The following RAD51B variants were observed in gnomAD, a reference collection of about 807,000 sequenced individuals.
RAD51B encodes the protein DNA repair protein RAD51 homolog 2.
In RAD51B, 38 loss-of-function variants were observed where a neutral mutation model predicts 42.2. That is an observed-to-expected ratio of 0.90 (90% CI 0.70 to 1.18). RAD51B has a LOEUF of 1.18. Among genes scored for constraint, RAD51B ranks in the 50% most tolerant of loss-of-function variants. The probability of loss-of-function intolerance (pLI) is 0.00; values close to 1 mark genes in which losing one functional copy is unlikely to be tolerated. For missense variants in RAD51B, 373 were observed against 400.7 expected (o/e 0.93, Z 0.59); for synonymous variants, 154 against 145.2 (o/e 1.06, Z -0.43).
At chr14:68,652,360 C>A (rs966346490) in intron 11 of RAD51B, among the ~76,000 whole-genome samples, 8 of 152,206 alleles carry the variant, frequency 5.3e-5, no homozygotes, top group Non-Finnish European at 1.0e-4. Flanking sequence ...GCCTCCCAGT[C>A]TCCCCAGGTC....
intron 7 of RAD51B, among the ~76,000 whole-genome samples, chr14:68,242,448 A>T (rs1460414623): frequency 6.6e-6 from 1 of 152,224 alleles, no homozygotes; most frequent in East Asian, 1.9e-4. Flanking sequence ...TTTTTCTTAC[A>T]TATCAGTGCA....
intron 7 of RAD51B, among the ~76,000 whole-genome samples, chr14:68,240,463 G>C (rs2080359426): frequency 6.6e-6 from 1 of 152,198 alleles, no homozygotes; most frequent in Non-Finnish European, 1.5e-5. Context: ...GCAGTTAAAA[G>C]TGATAAAGGA....
intron 7 of RAD51B, among the ~76,000 whole-genome samples, chr14:68,181,066 C>G (rs2079053384): frequency 6.6e-6 from 1 of 152,200 alleles, no homozygotes; most frequent in Admixed American, 6.5e-5. Flanking sequence ...TTTGGATGCT[C>G]TTTGAAAGAC....
At chr14:68,345,613 C>G (rs7158493) in intron 8 of RAD51B, among the ~76,000 whole-genome samples, 73,957 of 151,880 alleles carry the variant, frequency 0.49, 21,229 homozygotes, top group South Asian at 0.65. Flanking sequence ...TTCTGTAGAG[C>G]CTGCAGAGCT....
In RAD51B at chr14:67,935,521, G is replaced by T. The variant is rs10450922; in HGVS notation, c.756+48317G>T. The stretch of plus-strand genomic sequence containing the variant: ...CTAGGACTACAGGCACATACCATCA[G>T]GCCATGCTGATTTTAAAATTTTTTT... On this transcript the variant is annotated intron_variant, in intron 7 of 10. Transcript: ENST00000471583. 8.8e-3 allele frequency among the ~76,000 whole-genome samples: 1,346 copies of T among 152,124 alleles called. 21 individuals are homozygous for T. The highest frequency in any genetic ancestry group is 0.031 in the African/African-American group (1,269 of 41,494).
intron 7 of RAD51B, among the ~76,000 whole-genome samples, chr14:68,183,983 TC>T (rs1194161843): frequency 2.5e-5 from 1 of 39,686 alleles, no homozygotes; most frequent in South Asian, 7.4e-4. Context: ...TCCCAGCTAC[TC>T]GGGGGGGGTG....
intron 7 of RAD51B, among the ~76,000 whole-genome samples, chr14:68,165,222 C>A (rs186367996): frequency 1.3e-5 from 2 of 152,152 alleles, no homozygotes; most frequent in Admixed American, 1.3e-4. Context: ...AGATGTTCTT[C>A]TGTATGGAGA....
intron 7 of RAD51B, among the ~76,000 whole-genome samples, chr14:68,108,472 G>A (rs984372866): frequency 9.2e-5 from 14 of 151,926 alleles, no homozygotes; most frequent in Admixed American, 2.0e-4. Flanking sequence ...GCGTCAACAT[G>A]GATGAACGTT....
chr14:67,914,830 A>G (rs369971733), intron 7 of RAD51B, among the ~76,000 whole-genome samples: 4 of 152,332 alleles, frequency 2.6e-5, no homozygotes, highest in African/African-American at 9.6e-5. Flanking sequence ...ACCAATGTGC[A>G]TGTTCCCATC....
intron 9 of RAD51B, among the ~76,000 whole-genome samples, chr14:68,467,671 T>C (rs2086018270): frequency 6.6e-6 from 1 of 152,226 alleles, no homozygotes; most frequent in Non-Finnish European, 1.5e-5. Flanking sequence ...CCTTAAGTAA[T>C]AGAAAATGTA....
intron 11 of RAD51B, among the ~76,000 whole-genome samples, chr14:68,674,238 C>G (rs1370939313): frequency 6.6e-6 from 1 of 152,092 alleles, no homozygotes; most frequent in Non-Finnish European, 1.5e-5. Context: ...CATATGTATA[C>G]ACACGTACAC....
chr14:68,663,995 C>G (rs956048095), intron 11 of RAD51B, among the ~76,000 whole-genome samples: 2 of 152,158 alleles, frequency 1.3e-5, no homozygotes, highest in African/African-American at 2.4e-5. Flanking sequence ...AGACTCTAAC[C>G]ATTGAGGGTA....
intron 7 of RAD51B, among the ~76,000 whole-genome samples, chr14:68,074,778 C>T (rs1340604193): frequency 6.6e-6 from 1 of 152,160 alleles, no homozygotes; most frequent in Non-Finnish European, 1.5e-5. Context: ...GTCCTTGGTT[C>T]CCCAGAAGCG....
At chr14:67,979,929 A>G (rs1015710659) in intron 7 of RAD51B, among the ~76,000 whole-genome samples, 1 of 152,212 alleles carries the variant, frequency 6.6e-6, no homozygotes, top group Non-Finnish European at 1.5e-5. Flanking sequence ...GAGCTGAGTG[A>G]TGGTACCTGC....
At chr14:68,127,192 T>C (rs1416458515) in intron 7 of RAD51B, among the ~76,000 whole-genome samples, 1 of 152,196 alleles carries the variant, frequency 6.6e-6, no homozygotes, top group East Asian at 1.9e-4. Context: ...TTGTCTTATT[T>C]ATTTTTGTAT....
At chr14:68,084,959 T>A (rs1008999021) in intron 7 of RAD51B, among the ~76,000 whole-genome samples, 1 of 152,194 alleles carries the variant, frequency 6.6e-6, no homozygotes, top group Non-Finnish European at 1.5e-5. Flanking sequence ...GACAGTGGAA[T>A]TATAAGAAAT....
chr14:68,543,147 A>G (rs1363588692), intron 10 of RAD51B, among the ~76,000 whole-genome samples: 1 of 152,212 alleles, frequency 6.6e-6, no homozygotes, highest in Non-Finnish European at 1.5e-5. Context: ...TTGTAGTGCA[A>G]AAACAGCCAT....
At chr14:67,890,233 A>C (rs371226496) in intron 7 of RAD51B, among the ~76,000 whole-genome samples, 8 of 152,162 alleles carry the variant, frequency 5.3e-5, no homozygotes, top group African/African-American at 1.9e-4. Context: ...TTTTTGCCAG[A>C]AAGGACCTTA....
At chr14:68,154,642 A>G (rs2140790799) in intron 7 of RAD51B, among the ~76,000 whole-genome samples, 1 of 151,212 alleles carries the variant, frequency 6.6e-6, no homozygotes, top group Non-Finnish European at 1.5e-5. Context: ...TTCATGCAAC[A>G]CAACCTAGAA....
Sources: allele counts gnomAD v4.1 joint callset (sites outside exome capture counted in the v4.1 genomes callset), GRCh38; gene constraint gnomAD v4.1.1; transcripts MANE v1.5; gene names NCBI Gene and HGNC (gene_info 2026-07-23, HGNC 2026-07-21).